PAMR1: variants seen among roughly 807,000 people sequenced by gnomAD.
PAMR1 encodes peptidase domain containing associated with muscle regeneration 1.
A neutral mutation model predicts 81.8 loss-of-function variants in PAMR1; 88 were observed. The ratio of observed to expected loss-of-function variants is 1.08; its 90% CI spans 0.91 to 1.28. The LOEUF is 1.28. Ranked by LOEUF, PAMR1 falls within the 50% of genes most tolerant of loss-of-function variation. The pLI is 0.00. For missense variants in PAMR1, 935 were observed against 919.7 expected (o/e 1.02, Z -0.21); for synonymous variants, 336 against 345.3 (o/e 0.97, Z 0.30).
At chr11:35,470,894 C>A in intron 4 of PAMR1, 76 bp from the exon 5 acceptor site, 2 of 997,784 alleles carry the variant, frequency 2.0e-6, no homozygotes, top group South Asian at 1.3e-5. Flanking sequence ...CATTCAAGGC[C>A]AGATGAGGAA....
At chr11:35,492,281 C>A in intron 2 of PAMR1, 108 bp from the exon 3 acceptor site, 1 of 1,220,986 alleles carries the variant, frequency 8.2e-7, no homozygotes, top group Non-Finnish European at 1.2e-6. Flanking sequence ...CAACTAAGAG[C>A]ATCTGGGCCT....
At chr11:35,444,268 CA>C (rs1472011658) in intron 6 of PAMR1, among the ~76,000 whole-genome samples, 6 of 152,114 alleles carry the variant, frequency 3.9e-5, no homozygotes, top group African/African-American at 1.4e-4. Flanking sequence ...GGATAGGTTC[CA>C]AAACTTTTCT....
chr11:35,432,314 C>T lies in PAMR1; in HGVS notation c.*42G>A, dbSNP rs532633952. On this transcript the variant is annotated 3_prime_UTR_variant, in exon 11 of 11. Transcript: ENST00000619888. ...CTTCACGCAATGACACACGTACAGA[C>T]GGATATACAGAAACACTTCTCAAGG... 98 of 1,549,014 alleles carry T rather than the reference C, an allele frequency of 6.3e-5. No individual in the cohort carries two copies. The highest frequency in any genetic ancestry group is 3.5e-4 in the South Asian group (30 of 85,644).
At chr11:35,436,877 C>CA (rs1490012175) in intron 8 of PAMR1, among the ~76,000 whole-genome samples, 1 of 151,782 alleles carries the variant, frequency 6.6e-6, no homozygotes, top group Admixed American at 6.6e-5. Context: ...CAACATTAAA[C>CA]AAAAAAGGGA....
At position 35,487,410 on chromosome 11, in the gene PAMR1, C is replaced by G. The variant is rs114135026; in HGVS notation, c.379+4635G>C. Among the ~76,000 whole-genome samples the G allele has an allele frequency of 8.4e-3, 1,281 of 152,210 alleles. 21 individuals are homozygous for G. The highest frequency in any genetic ancestry group is 0.029 in the African/African-American group (1,213 of 41,528). On this transcript the variant is annotated intron_variant, in intron 3 of 10. Coordinates refer to ENST00000619888, the MANE Select transcript of PAMR1 (RefSeq NM_001001991.3). ...GGCTCTTTCTGATTTCATGTCCTTC[C>G]CAGCTGGGATCCTTGGTCAGTCATG...
intron 1 of PAMR1, among the ~76,000 whole-genome samples, chr11:35,521,383 T>C (rs1851273995): frequency 6.6e-6 from 1 of 152,162 alleles, no homozygotes; most frequent in Admixed American, 6.5e-5. Flanking sequence ...CCCCTTCCTG[T>C]CCCATCCCTC....
chr11:35,447,424 C>T (rs1025500507), intron 6 of PAMR1, among the ~76,000 whole-genome samples: 6 of 152,004 alleles, frequency 3.9e-5, no homozygotes, highest in Admixed American at 6.6e-5. Flanking sequence ...CAGGATGGCT[C>T]GATCTCCTGA....
At chr11:35,498,110 T>C (rs1439309566) in intron 1 of PAMR1, among the ~76,000 whole-genome samples, 1 of 152,222 alleles carries the variant, frequency 6.6e-6, no homozygotes, top group African/African-American at 2.4e-5. Context: ...GAATGTGTGT[T>C]ATTAATAATA....
chr11:35,470,970 G>C (rs1050135362), intron 4 of PAMR1, 152 bp from the exon 5 acceptor site: 21 of 630,922 alleles, frequency 3.3e-5, no homozygotes, highest in Non-Finnish European at 5.7e-5. Flanking sequence ...AGAGGTTGGC[G>C]AATTTCTCTT....
chr11:35,485,231 A>G (rs552655778), intron 3 of PAMR1, among the ~76,000 whole-genome samples: 2 of 152,326 alleles, frequency 1.3e-5, no homozygotes, highest in South Asian at 4.1e-4. Flanking sequence ...AAGAAAAATT[A>G]TGATAACACT....
chr11:35,521,482 G>A (rs1013905887), intron 1 of PAMR1, among the ~76,000 whole-genome samples: 1 of 152,114 alleles, frequency 6.6e-6, no homozygotes, highest in Non-Finnish European at 1.5e-5. Flanking sequence ...AGACCCTAGA[G>A]AGGATCCAGC....
intron 1 of PAMR1, among the ~76,000 whole-genome samples, chr11:35,500,102 A>G (rs1850803169): frequency 6.6e-6 from 1 of 152,234 alleles, no homozygotes; most frequent in African/African-American, 2.4e-5. Context: ...GAAGGAATGC[A>G]GCCCTGCCAA....
At chr11:35,512,335 T>C (rs1354648072) in intron 1 of PAMR1, among the ~76,000 whole-genome samples, 1 of 152,064 alleles carries the variant, frequency 6.6e-6, no homozygotes, top group African/African-American at 2.4e-5. Flanking sequence ...TAACCTCCCT[T>C]TGAGGTAGGT....
At chr11:35,511,760 T>C (rs1301942372) in intron 1 of PAMR1, among the ~76,000 whole-genome samples, 2 of 152,248 alleles carry the variant, frequency 1.3e-5, no homozygotes, top group Non-Finnish European at 2.9e-5. Context: ...CATCTTGTGC[T>C]GTCTGAATCT....
At chr11:35,435,800 G>C in intron 9 of PAMR1, 103 bp downstream of exon 9, 1 of 813,190 alleles carries the variant, frequency 1.2e-6, no homozygotes, top group Non-Finnish European at 2.1e-6. Context: ...CCAAACTAGA[G>C]AAAGCACTGG....
chr11:35,514,142 C>T (rs1851121284), intron 1 of PAMR1, among the ~76,000 whole-genome samples: 1 of 152,206 alleles, frequency 6.6e-6, no homozygotes, highest in Non-Finnish European at 1.5e-5. Context: ...CATTTCCCTA[C>T]AGCCTCGAGA....
intron 3 of PAMR1, among the ~76,000 whole-genome samples, chr11:35,478,784 G>T (rs1850327557): frequency 6.6e-6 from 1 of 152,204 alleles, no homozygotes; most frequent in Non-Finnish European, 1.5e-5. Flanking sequence ...GATGTGCTCA[G>T]ATTCCTTAAC....
chr11:35,459,927 T>C (rs1298332560), intron 6 of PAMR1, among the ~76,000 whole-genome samples: 1 of 152,218 alleles, frequency 6.6e-6, no homozygotes, highest in Non-Finnish European at 1.5e-5. Flanking sequence ...ATCTGTAAAG[T>C]GCAGGTAATC....
At chr11:35,461,721 A>G (rs1856659174) in intron 6 of PAMR1, among the ~76,000 whole-genome samples, 1 of 152,202 alleles carries the variant, frequency 6.6e-6, no homozygotes, top group Non-Finnish European at 1.5e-5. Flanking sequence ...CTAAATCCAA[A>G]TGGGATGGCA....
Sources: gnomAD v4.1 joint callset for allele counts (sites outside exome capture counted in the v4.1 genomes callset) on GRCh38, gnomAD v4.1.1 for gene constraint, MANE v1.5 for transcripts, NCBI Gene and HGNC (gene_info 2026-07-23, HGNC 2026-07-21) for gene names.